Variants in CDH18 observed in about 807,000 individuals in gnomAD.
The protein encoded by CDH18 is cadherin 18.
CDH18 carries 31 observed loss-of-function variants against 67.9 expected under a neutral mutation model. The ratio of observed to expected loss-of-function variants is 0.46; its 90% CI spans 0.34 to 0.62. The LOEUF is 0.62. CDH18 is among the 20% of genes least tolerant of loss of function. CDH18 has a pLI of 0.01. For synonymous variants in CDH18, 362 were observed against 347.2 expected, an observed-to-expected ratio of 1.04 and a Z score of -0.48; for missense variants, 890 against 975.5, an observed-to-expected ratio of 0.91 and a Z score of 1.17.
chr5:20,103,247 T>C (rs1366702803), intron 2 of CDH18, among the ~76,000 whole-genome samples: 3 of 151,778 alleles, frequency 2.0e-5, no homozygotes, highest in Admixed American at 6.6e-5. Context: ...AATAGTTGAT[T>C]GCAGTGCTCT....
chr5:19,803,137 C>T (rs547777236), intron 3 of CDH18, among the ~76,000 whole-genome samples: 135 of 152,330 alleles, frequency 8.9e-4, no homozygotes, highest in African/African-American at 3.1e-3. Context: ...ACTCCACAAA[C>T]TCGCACATTT....
intron 1 of CDH18, among the ~76,000 whole-genome samples, chr5:20,538,498 T>G (rs983968767): frequency 6.6e-6 from 1 of 152,138 alleles, no homozygotes; most frequent in South Asian, 2.1e-4. Flanking sequence ...AACAAGCTGC[T>G]CAGTAGCTTG....
intron 8 of CDH18, among the ~76,000 whole-genome samples, chr5:19,570,644 A>T (rs62349543): frequency 7.2e-5 from 11 of 152,092 alleles, no homozygotes; most frequent in African/African-American, 2.7e-4. Flanking sequence ...GATTTCCATG[A>T]GTATAAATAC....
intron 2 of CDH18, among the ~76,000 whole-genome samples, chr5:19,883,359 C>A (rs141800263): frequency 9.4e-4 from 143 of 152,170 alleles, no homozygotes; most frequent in East Asian, 4.3e-3. Context: ...CTGACGAAAT[C>A]ACAAGCAGTT....
chr5:20,005,414 GTACACA>G, intron 2 of CDH18, among the ~76,000 whole-genome samples: 1 of 58,078 alleles, frequency 1.7e-5, no homozygotes, highest in South Asian at 7.8e-4. Context: ...ATATATATAT[GTACACA>G]CACACACACA....
intron 5 of CDH18, among the ~76,000 whole-genome samples, chr5:19,638,815 A>C (rs1388138601): frequency 6.6e-6 from 1 of 151,992 alleles, no homozygotes. Context: ...GCATCATCCC[A>C]TCACACAGCT....
upstream of CDH18, among the ~76,000 whole-genome samples, chr5:19,992,442 C>T (rs1800037680): frequency 1.4e-5 from 2 of 147,572 alleles, no homozygotes; most frequent in Non-Finnish European, 3.0e-5. Context: ...AAAGTATATG[C>T]CAGACTTAAA....
chr5:20,021,348 T>A (rs1340053766), intron 2 of CDH18, among the ~76,000 whole-genome samples: 2 of 152,106 alleles, frequency 1.3e-5, no homozygotes, highest in African/African-American at 2.4e-5. Context: ...AGAGGAAGAT[T>A]GTACTTTGCA....
chr5:20,514,824 C>T (rs985556233), intron 1 of CDH18, among the ~76,000 whole-genome samples: 2 of 152,046 alleles, frequency 1.3e-5, no homozygotes, highest in East Asian at 1.9e-4. Flanking sequence ...TTTCAGATGT[C>T]TTATTCATCT....
At chr5:19,894,939 T>C (rs146018567) in intron 2 of CDH18, among the ~76,000 whole-genome samples, 5 of 152,306 alleles carry the variant, frequency 3.3e-5, no homozygotes, top group East Asian at 3.9e-4. Context: ...TGTACACAGA[T>C]AATTCTGTCT....
At chr5:20,265,771 T>C (rs1744986564) in intron 1 of CDH18, among the ~76,000 whole-genome samples, 2 of 152,166 alleles carry the variant, frequency 1.3e-5, no homozygotes, top group Admixed American at 1.3e-4. Flanking sequence ...AAAGACAAGA[T>C]GTGAAGATTA....
At chr5:19,921,495 C>T (rs1333330587) in intron 2 of CDH18, among the ~76,000 whole-genome samples, 1 of 148,594 alleles carries the variant, frequency 6.7e-6, no homozygotes, top group Admixed American at 6.7e-5. Context: ...CGCTCCACTG[C>T]ACTCTAGCCT....
At chr5:20,127,564 G>T (rs181056300) in intron 2 of CDH18, among the ~76,000 whole-genome samples, 1 of 152,206 alleles carries the variant, frequency 6.6e-6, no homozygotes, top group African/African-American at 2.4e-5. Context: ...GAAACTTGAA[G>T]ACATTATACT....
At chr5:19,591,321 G>C in intron 6 of CDH18, 77 bp from the exon 7 acceptor site, 1 of 1,034,458 alleles carries the variant, frequency 9.7e-7, no homozygotes, top group Middle Eastern at 2.4e-4. Context: ...TAAATATTTA[G>C]AGCACATATT....
chr5:19,881,334 TA>T (rs1169194815), intron 2 of CDH18, among the ~76,000 whole-genome samples: 1 of 151,972 alleles, frequency 6.6e-6, no homozygotes, highest in African/African-American at 2.4e-5. Context: ...ACATAATAAA[TA>T]GATTTTTTTT....
chr5:20,464,236 A>T (rs1561029349), intron 1 of CDH18, among the ~76,000 whole-genome samples: 1 of 152,202 alleles, frequency 6.6e-6, no homozygotes. Flanking sequence ...AAGTGAGTGT[A>T]AATAAAATGG....
intron 1 of CDH18, among the ~76,000 whole-genome samples, chr5:20,562,649 G>T (rs999621450): frequency 1.3e-5 from 2 of 151,286 alleles, no homozygotes; most frequent in African/African-American, 2.4e-5. Context: ...TTCTCTTAAA[G>T]GTAGTATTTG....
rs578056568 is a variant in CDH18, at chr5:20,070,226, T to C, written c.-517-78212A>G. Among the ~76,000 whole-genome samples, 5 of 152,320 alleles carry C rather than the reference T, an allele frequency of 3.3e-5. No individual in the cohort carries two copies. The South Asian group carries it at 1.0e-3, about 32-fold the overall frequency. Reference sequence around the variant, plus strand: ...TTTATGTCTTTTTATGGCTTGATAATTTATTTCTTTTTAGCACTGAATAAT... The same window carrying C: ...TTTATGTCTTTTTATGGCTTGATAACTTATTTCTTTTTAGCACTGAATAAT... On this transcript the variant is annotated intron_variant, in intron 2 of 14. Transcript: ENST00000507958.
chr5:20,410,875 C>T (rs1454586464), intron 1 of CDH18, among the ~76,000 whole-genome samples: 1 of 151,526 alleles, frequency 6.6e-6, no homozygotes, highest in South Asian at 2.1e-4. Context: ...GAATAAAATA[C>T]TTAAGAATAA....
Sources: gnomAD v4.1 joint callset for allele counts (sites outside exome capture counted in the v4.1 genomes callset) on GRCh38, gnomAD v4.1.1 for gene constraint, MANE v1.5 for transcripts, NCBI Gene and HGNC (gene_info 2026-07-23, HGNC 2026-07-21) for gene names.